DPP6: variants seen among roughly 807,000 people sequenced by gnomAD.
The protein encoded by DPP6 is dipeptidyl peptidase like 6, also known as A-type potassium channel modulatory protein DPP6.
A neutral mutation model predicts 122.6 loss-of-function variants in DPP6; 69 were observed. That is an observed-to-expected ratio of 0.56 (90% CI 0.46 to 0.69). The LOEUF (loss-of-function observed/expected upper bound fraction) is 0.69, where lower values mean the gene tolerates loss of function less well. DPP6 is among the 30% of genes least tolerant of loss of function. The pLI is 0.00. For synonymous variants in DPP6, 418 were observed against 433.1 expected (o/e 0.97, Z 0.43); for missense variants, 928 against 1,116.9 (o/e 0.83, Z 2.41).
chr7:154,380,903 G>A (rs1179389214), intron 1 of DPP6, among the ~76,000 whole-genome samples: 2 of 152,186 alleles, frequency 1.3e-5, no homozygotes, highest in Non-Finnish European at 2.9e-5. Flanking sequence ...CTTCCTCATG[G>A]GGTGAGTGGG....
intron 13 of DPP6, 41 bp from the exon 14 acceptor site, chr7:154,803,823 A>T (rs1372900353): frequency 6.3e-7 from 1 of 1,598,318 alleles, no homozygotes; most frequent in Admixed American, 1.7e-5. Context: ...TGGGGCCGGG[A>T]CACCGGTGTC....
At position 154,483,097 on chromosome 7, in the gene DPP6, A is replaced by AGAGGGGAAGAGGGACACGGAGGTGT. The variant is rs2151373873; in HGVS notation, c.457+8061_457+8085dup. On this transcript the variant is annotated intron_variant, in intron 3 of 25. Transcript: ENST00000377770. The surrounding 1 kb of genome is among the most constrained non-coding windows in gnomAD (Gnocchi z 8.1). ...TACTGCTCAGAGCCTCTCGGAGGGA[A>AGAGGGGAAGAGGGACACGGAGGTGT]GAGGGGAAGAGGGACACGGAGGTGT... Among the ~76,000 whole-genome samples, 2 of 152,148 alleles carry AGAGGGGAAGAGGGACACGGAGGTGT rather than the reference A, an allele frequency of 1.3e-5. No homozygotes were observed. Among genetic ancestry groups the AGAGGGGAAGAGGGACACGGAGGTGT allele is most frequent in the South Asian group, 4.2e-4 (2 of 4,800 alleles).
chr7:154,385,114 T>G (rs1813978278), intron 1 of DPP6, among the ~76,000 whole-genome samples: 1 of 152,100 alleles, frequency 6.6e-6, no homozygotes, highest in African/African-American at 2.4e-5. Flanking sequence ...GGACTACAGG[T>G]GCCCGCCACC....
intron 6 of DPP6, among the ~76,000 whole-genome samples, chr7:154,667,675 G>T (rs1838250638): frequency 6.6e-6 from 1 of 152,210 alleles, no homozygotes; most frequent in South Asian, 2.1e-4. Flanking sequence ...GTGAGCTGAG[G>T]TCTGCCACTG....
intron 4 of DPP6, among the ~76,000 whole-genome samples, chr7:154,561,993 G>T (rs777156758): frequency 1.9e-4 from 29 of 152,140 alleles, no homozygotes; most frequent in Non-Finnish European, 3.4e-4. Context: ...TGATTCACTT[G>T]ATCAATTCTA....
rs1803478777 is a variant in DPP6, at chr7:154,267,256, TTAAA to T, written c.244-178955_244-178952del. On this transcript the variant is annotated intron_variant, in intron 1 of 25. Transcript: ENST00000377770. ...TATAATAGATTTTCATTTTGAATACTTAAATATTCAACATTTTTTCATTTTATTA... is the reference window on the plus strand; with the variant it reads ...TATAATAGATTTTCATTTTGAATACTTATTCAACATTTTTTCATTTTATTA... Among the ~76,000 whole-genome samples the T allele has an allele frequency of 2.0e-5, 3 of 150,532 alleles. No individual in the cohort carries two copies. In the South Asian group the frequency reaches 6.2e-4, roughly 31 times the overall value.
chr7:154,541,712 G>A (rs906321341), intron 4 of DPP6, among the ~76,000 whole-genome samples: 4 of 152,180 alleles, frequency 2.6e-5, no homozygotes, highest in African/African-American at 4.8e-5. Flanking sequence ...CCGTTAAAGC[G>A]ATCATAACAG....
At chr7:154,114,365 A>T (rs1806824943) in intron 1 of DPP6, among the ~76,000 whole-genome samples, 1 of 152,138 alleles carries the variant, frequency 6.6e-6, no homozygotes, top group African/African-American at 2.4e-5. Context: ...GGGGAATAGC[A>T]GTGTCTATAC....
chr7:154,412,973 T>C (rs1026836064), intron 1 of DPP6, among the ~76,000 whole-genome samples: 1 of 152,236 alleles, frequency 6.6e-6, no homozygotes, highest in Non-Finnish European at 1.5e-5. Context: ...GTTGCTCTTT[T>C]AGAAGATTCC....
At chr7:154,574,497 GGTGT>G (rs1328159174) in intron 5 of DPP6, among the ~76,000 whole-genome samples, 5 of 138,314 alleles carry the variant, frequency 3.6e-5, no homozygotes, top group South Asian at 5.1e-4. Context: ...ATGTGTATGT[GGTGT>G]GTGTATGTGT....
intron 10 of DPP6, among the ~76,000 whole-genome samples, chr7:154,792,285 G>A (rs1173839302): frequency 6.6e-6 from 1 of 152,254 alleles, no homozygotes; most frequent in Non-Finnish European, 1.5e-5. Flanking sequence ...TAGGGAATAA[G>A]TTCTCATGAG....
At chr7:154,076,172 G>A (rs1407253992) in intron 1 of DPP6, among the ~76,000 whole-genome samples, 1 of 152,150 alleles carries the variant, frequency 6.6e-6, no homozygotes, top group African/African-American at 2.4e-5. Context: ...AAAAAAGGCT[G>A]GGCGCAGTGC....
At chr7:153,815,407 G>A in the DPP6 span, among the ~76,000 whole-genome samples, 46 of 152,210 alleles carry the variant, frequency 3.0e-4, no homozygotes, top group African/African-American at 1.0e-3. Context: ...TAGGGTACAT[G>A]TGCACAATGT....
At chr7:154,634,685 C>T (rs1174834682) in intron 5 of DPP6, among the ~76,000 whole-genome samples, 2 of 150,390 alleles carry the variant, frequency 1.3e-5, no homozygotes, top group Non-Finnish European at 3.0e-5. Flanking sequence ...TTCTCCTTCT[C>T]CTTCGTCTCC....
intron 1 of DPP6, among the ~76,000 whole-genome samples, chr7:153,997,682 A>T (rs527663796): frequency 6.7e-6 from 1 of 149,074 alleles, no homozygotes; most frequent in African/African-American, 2.5e-5. Context: ...CACAAAAATT[A>T]AGGCATCCAA....
At chr7:153,770,594 C>T in the DPP6 span, among the ~76,000 whole-genome samples, 6 of 152,114 alleles carry the variant, frequency 3.9e-5, no homozygotes, top group Admixed American at 3.3e-4. Context: ...TACTATTCTA[C>T]AGGAGATGTT....
At chr7:154,248,692 C>T (rs1802148113) in intron 1 of DPP6, among the ~76,000 whole-genome samples, 1 of 152,018 alleles carries the variant, frequency 6.6e-6, no homozygotes, top group Non-Finnish European at 1.5e-5. Flanking sequence ...ATGGGGAAAT[C>T]CCATCTCTAC....
chr7:154,384,737 C>CTTTTTT (rs757829890), intron 1 of DPP6, among the ~76,000 whole-genome samples: 1 of 74,352 alleles, frequency 1.3e-5, no homozygotes, highest in African/African-American at 3.2e-5. Context: ...TTCTTTCTTT[C>CTTTTTT]TTTTATTTTT....
chr7:153,991,041 A>G (rs1417804724), intron 1 of DPP6, among the ~76,000 whole-genome samples: 12 of 152,246 alleles, frequency 7.9e-5, no homozygotes, highest in Non-Finnish European at 4.4e-5. Context: ...AGGGGTCCCT[A>G]GAATGATGGA....
Sources: allele counts gnomAD v4.1 joint callset (sites outside exome capture counted in the v4.1 genomes callset), GRCh38; gene constraint gnomAD v4.1.1; non-coding constraint Gnocchi (gnomAD v3.1); transcripts MANE v1.5; gene names NCBI Gene and HGNC (gene_info 2026-07-23, HGNC 2026-07-21).